Variants in ZBTB46 observed in about 807,000 individuals in gnomAD.
ZBTB46 encodes zinc finger and BTB domain-containing protein 46.
A neutral mutation model predicts 44.1 loss-of-function variants in ZBTB46; 8 were observed. That is an observed-to-expected ratio of 0.18 (90% CI 0.11 to 0.33). The LOEUF is 0.33. Among genes scored for constraint, ZBTB46 ranks in the 10% least tolerant of loss-of-function variants. The pLI is 1.00. For synonymous variants in ZBTB46, 409 were observed against 382.3 expected, an observed-to-expected ratio of 1.07 and a Z score of -0.81; for missense variants, 651 against 847.7, an observed-to-expected ratio of 0.77 and a Z score of 2.88.
intron 1 of ZBTB46, among the ~76,000 whole-genome samples, chr20:63,817,234 T>A (rs1398291788): frequency 6.6e-6 from 1 of 152,000 alleles, no homozygotes; most frequent in Non-Finnish European, 1.5e-5. Context: ...AGGGAGACCC[T>A]GTCCCTACAA....
chr20:63,831,385 C>CCGGCCG (rs2092851335), upstream of ZBTB46: 1 of 142,418 alleles, frequency 7.0e-6, no homozygotes, highest in African/African-American at 2.5e-5. Context: ...GCGCCGCGCC[C>CCGGCCG]CGGCCGCGGC....
At chr20:63,798,196 GT>G (rs1475790832) in intron 1 of ZBTB46, among the ~76,000 whole-genome samples, 1 of 152,112 alleles carries the variant, frequency 6.6e-6, no homozygotes, top group Non-Finnish European at 1.5e-5. Flanking sequence ...AAGGGATCCA[GT>G]TTCAGCTTTC....
intron 3 of ZBTB46, among the ~76,000 whole-genome samples, chr20:63,768,845 T>C (rs2092343057): frequency 6.6e-6 from 1 of 151,872 alleles, no homozygotes; most frequent in South Asian, 2.1e-4. Flanking sequence ...TGGCCAGAAA[T>C]GTGCAGTGAC....
chr20:63,820,194 C>T (rs970215870), intron 1 of ZBTB46, among the ~76,000 whole-genome samples: 19 of 151,680 alleles, frequency 1.3e-4, no homozygotes, highest in Non-Finnish European at 2.4e-4. Flanking sequence ...CCCAGGTTCA[C>T]GCCATTCTCC....
intron 3 of ZBTB46, chr20:63,775,351 G>C (rs2092415743): frequency 3.9e-6 from 1 of 253,564 alleles, no homozygotes; most frequent in Non-Finnish European, 7.5e-6. Context: ...GGAGCACAAA[G>C]ACCCCCGGCC....
At chr20:63,795,472 C>T (rs986563075) in intron 1 of ZBTB46, among the ~76,000 whole-genome samples, 1 of 152,268 alleles carries the variant, frequency 6.6e-6, no homozygotes, top group Non-Finnish European at 1.5e-5. Context: ...TCCTGCCAGG[C>T]AGGCAATGCG....
rs1277558259 is a variant in ZBTB46 at position 63,787,207 on chromosome 20, G to C, written c.937+2614C>G. Reference sequence around the variant, plus strand: ...GGATGGACCACAGATAACCACTGTGGTCCCGTAGATTAGAACGCAGCCGGG... The same window carrying C: ...GGATGGACCACAGATAACCACTGTGCTCCCGTAGATTAGAACGCAGCCGGG... On this transcript the variant is annotated intron_variant, in intron 2 of 4. Coordinates refer to ENST00000245663, the MANE Select transcript of ZBTB46 (RefSeq NM_001369741.1). This position sits in a 1 kb window ranked among gnomAD's most constrained non-coding sequence, Gnocchi z 4.6. 6.6e-6 allele frequency among the ~76,000 whole-genome samples: 1 copy of C among 152,164 alleles called. No homozygotes were observed. Among genetic ancestry groups the C allele is most frequent in the African/African-American group, 2.4e-5 (1 of 41,436 alleles).
intron 3 of ZBTB46, among the ~76,000 whole-genome samples, chr20:63,760,966 T>C (rs1039816032): frequency 1.3e-5 from 2 of 148,230 alleles, no homozygotes; most frequent in Admixed American, 1.4e-4. Context: ...ACTGTTGATT[T>C]TTGTATGCCT....
chr20:63,754,755 A>C (rs1233999828), intron 3 of ZBTB46, among the ~76,000 whole-genome samples: 1 of 151,826 alleles, frequency 6.6e-6, no homozygotes, highest in Non-Finnish European at 1.5e-5. Context: ...GCCCGCCACC[A>C]CACCCAGCTA....
chr20:63,776,664 C>T (rs1471654185), intron 2 of ZBTB46, among the ~76,000 whole-genome samples: 1 of 151,900 alleles, frequency 6.6e-6, no homozygotes, highest in Non-Finnish European at 1.5e-5. Flanking sequence ...ATTAGCCGGG[C>T]GTGGTGGCAC....
intron 1 of ZBTB46, chr20:63,815,124 G>A (rs2092740644): frequency 4.6e-6 from 1 of 216,414 alleles, no homozygotes; most frequent in Admixed American, 5.4e-5. Flanking sequence ...ACCAGCTGCT[G>A]AGAAGACACA....
intron 1 of ZBTB46, among the ~76,000 whole-genome samples, chr20:63,801,701 G>A (rs774698955): frequency 2.0e-5 from 3 of 152,224 alleles, no homozygotes; most frequent in East Asian, 1.9e-4. Context: ...CTCCAAACAC[G>A]TCTGAACATC....
At chr20:63,764,098 G>A (rs1320669605) in intron 3 of ZBTB46, among the ~76,000 whole-genome samples, 5 of 151,690 alleles carry the variant, frequency 3.3e-5, no homozygotes, top group Non-Finnish European at 5.9e-5. Flanking sequence ...CCTCCCAAGT[G>A]GCTGGAACTA....
chr20:63,774,098 C>T (rs556174425), intron 3 of ZBTB46, among the ~76,000 whole-genome samples: 49 of 116,886 alleles, frequency 4.2e-4, no homozygotes, highest in African/African-American at 1.5e-3. Context: ...GGAAGTGAGG[C>T]CTCAGGATGT....
At chr20:63,813,236 G>A (rs2092727806) in intron 1 of ZBTB46, among the ~76,000 whole-genome samples, 1 of 151,874 alleles carries the variant, frequency 6.6e-6, no homozygotes, top group South Asian at 2.1e-4. Flanking sequence ...ATCATCTGAG[G>A]TCAGGAGTTC....
At chr20:63,748,519 TG>T (rs2092127820) in intron 4 of ZBTB46, among the ~76,000 whole-genome samples, 1 of 152,166 alleles carries the variant, frequency 6.6e-6, no homozygotes, top group Admixed American at 6.5e-5. Context: ...GAGGAGGCCT[TG>T]GGGGGCTGGC....
intron 1 of ZBTB46, among the ~76,000 whole-genome samples, chr20:63,809,945 C>T (rs6010663): frequency 6.7e-6 from 1 of 149,736 alleles, no homozygotes; most frequent in Admixed American, 6.7e-5. Context: ...ATGGGTGACA[C>T]AGCAAGGCCC....
upstream of ZBTB46, among the ~76,000 whole-genome samples, chr20:63,832,250 A>G (rs535935336): frequency 1.1e-4 from 17 of 152,124 alleles, no homozygotes; most frequent in South Asian, 3.1e-3. This position sits in a 1 kb window ranked among gnomAD's most constrained non-coding sequence, Gnocchi z 5.0. Flanking sequence ...TCGGGCGGGT[A>G]GAGTGGGAAG....
intron 3 of ZBTB46, among the ~76,000 whole-genome samples, chr20:63,772,758 CACACACA>C (rs1379474444): frequency 0.12 from 8,046 of 69,464 alleles, 634 homozygotes; most frequent in African/African-American, 0.33. Context: ...CACACACACA[CACACACA>C]CAGAAGTGCG....
Sources: allele counts gnomAD v4.1 joint callset (sites outside exome capture counted in the v4.1 genomes callset), GRCh38; gene constraint gnomAD v4.1.1; non-coding constraint Gnocchi (gnomAD v3.1); transcripts MANE v1.5; gene names NCBI Gene and HGNC (gene_info 2026-07-23, HGNC 2026-07-21).